Variants in PEX11G observed in about 807,000 individuals in gnomAD.
PEX11G encodes peroxisomal biogenesis factor 11 gamma.
Under a neutral mutation model 22.5 loss-of-function variants are expected in PEX11G, and 20 were observed. The observed-to-expected ratio is 0.89, with a 90% confidence interval of 0.62 to 1.29. The LOEUF (loss-of-function observed/expected upper bound fraction) is 1.29. PEX11G is among the 50% of genes most tolerant of loss of function. PEX11G has a pLI of 0.00. For synonymous variants in PEX11G, 141 were observed against 154.5 expected (o/e 0.91, Z 0.65); for missense variants, 347 against 331.3 (o/e 1.05, Z -0.37).
chr19:7,482,754 CT>C (rs1401620505), intron 2 of PEX11G, among the ~76,000 whole-genome samples: 1 of 152,250 alleles, frequency 6.6e-6, no homozygotes, highest in Non-Finnish European at 1.5e-5. Context: ...CGCACGCCCA[CT>C]GCTGACCACG....
intron 2 of PEX11G, among the ~76,000 whole-genome samples, chr19:7,482,902 T>G (rs887568987): frequency 2.0e-5 from 3 of 152,298 alleles, no homozygotes; most frequent in African/African-American, 7.2e-5. Context: ...CGAATTGCAA[T>G]GCACACGCGG....
chr19:7,478,279 G>A, intron 4 of PEX11G, 35 bp downstream of exon 4: 1 of 1,602,652 alleles, frequency 6.2e-7, no homozygotes, highest in Non-Finnish European at 8.5e-7. Flanking sequence ...GCTGGAGGGA[G>A]TGGGCCTCCC....
At chr19:7,484,475 A>G (rs532931436) in intron 2 of PEX11G, among the ~76,000 whole-genome samples, 1 of 152,182 alleles carries the variant, frequency 6.6e-6, no homozygotes, top group African/African-American at 2.4e-5. Context: ...AAGGAGACAC[A>G]AGAAGCTGAC....
At chr19:7,486,987 T>C (rs1394595216) in intron 1 of PEX11G, among the ~76,000 whole-genome samples, 4 of 150,278 alleles carry the variant, frequency 2.7e-5, no homozygotes, top group Non-Finnish European at 5.9e-5. Context: ...TTCCAGACTG[T>C]AGTGAGCTGT....
Position 7,477,022 on chromosome 19 carries a change from C to T in PEX11G, c.*180G>A, listed in dbSNP as rs960588851. ...CCTGCACGGCCCCTGAAAACTGTCACGGCTCAGGAGCTCCAGGCTGAGGCC... is the reference window on the plus strand; with the variant it reads ...CCTGCACGGCCCCTGAAAACTGTCATGGCTCAGGAGCTCCAGGCTGAGGCC... On this transcript the variant is annotated 3_prime_UTR_variant, in exon 5 of 5. Transcript: ENST00000221480. 41 of 481,618 alleles carry T rather than the reference C, an allele frequency of 8.5e-5. No individual in the cohort carries two copies. The highest frequency in any genetic ancestry group is 5.2e-4 in the African/African-American group (26 of 49,888). 29.8% of individuals were successfully genotyped at this position (481,618 alleles called of 1,614,324 possible).
intron 2 of PEX11G, among the ~76,000 whole-genome samples, chr19:7,485,576 C>G (rs915241063): frequency 6.6e-6 from 1 of 152,030 alleles, no homozygotes; most frequent in African/African-American, 2.4e-5. Context: ...AGGACGGTCT[C>G]CATCTCCTGA....
chr19:7,491,431 G>A (rs148836002), upstream of PEX11G, among the ~76,000 whole-genome samples: 10 of 151,580 alleles, frequency 6.6e-5, no homozygotes, highest in African/African-American at 1.7e-4. Flanking sequence ...CACCACACCC[G>A]GCTAATTTTT....
chr19:7,489,780 TC>T (rs976658668), upstream of PEX11G, among the ~76,000 whole-genome samples: 1 of 151,644 alleles, frequency 6.6e-6, no homozygotes, highest in Non-Finnish European at 1.5e-5. Context: ...AAAGGTGCCC[TC>T]CTCCCCTCTC....
upstream of PEX11G, chr19:7,489,345 A>T: frequency 9.0e-7 from 1 of 1,115,384 alleles, no homozygotes; most frequent in Admixed American, 5.2e-5. Flanking sequence ...CAAAACCACC[A>T]ACCTGTTCGC....
At chr19:7,490,640 C>CCAT (rs2021866376), upstream of PEX11G, among the ~76,000 whole-genome samples, 1 of 101,788 alleles carries the variant, frequency 9.8e-6, no homozygotes, top group Non-Finnish European at 2.0e-5. Flanking sequence ...CGCCTGGCCT[C>CCAT]TATTTTTTTT....
intron 3 of PEX11G, among the ~76,000 whole-genome samples, chr19:7,478,880 C>T (rs1977361746): frequency 6.6e-6 from 1 of 152,188 alleles, no homozygotes. Flanking sequence ...ATCCCCTGGG[C>T]CCCCAGGGCT....
upstream of PEX11G, among the ~76,000 whole-genome samples, chr19:7,492,426 G>A (rs573177516): frequency 2.6e-5 from 4 of 152,150 alleles, no homozygotes; most frequent in Non-Finnish European, 4.4e-5. Flanking sequence ...TGATGTCAAC[G>A]AGTCTGTTTG....
chr19:7,485,173 T>G (rs1194231681), intron 2 of PEX11G, among the ~76,000 whole-genome samples: 1 of 151,998 alleles, frequency 6.6e-6, no homozygotes, highest in Non-Finnish European at 1.5e-5. Context: ...AAATTTTTTT[T>G]GTTTGTTTTA....
upstream of PEX11G, among the ~76,000 whole-genome samples, chr19:7,493,871 C>T (rs1309133230): frequency 2.0e-5 from 3 of 146,764 alleles, no homozygotes; most frequent in East Asian, 6.0e-4. Context: ...GTCCACGGGT[C>T]TTTGTGCACT....
chr19:7,485,052 G>A (rs563135512), intron 2 of PEX11G, among the ~76,000 whole-genome samples: 1 of 152,290 alleles, frequency 6.6e-6, no homozygotes, highest in East Asian at 1.9e-4. Flanking sequence ...AGCACTCAGG[G>A]AGGCTAAGGC....
rs1568380259 is a variant in PEX11G at position 7,482,114 on chromosome 19, C to CG, written c.346dup (p.Arg116ProfsTer174). 4.4e-6 allele frequency: 7 copies of CG among 1,600,820 alleles called. No homozygotes were observed. Among genetic ancestry groups the CG allele is most frequent in the Non-Finnish European group, 5.1e-6 (6 of 1,174,374 alleles). On this transcript the variant is annotated frameshift_variant, in exon 3 of 5. Transcript: ENST00000221480. LOFTEE classifies it high-confidence loss of function. The stretch of plus-strand genomic sequence containing the variant: ...CCGAGAAGAGTCCACGTGGAGGACC[C>CG]GGGCATCAGCCGCCCAGGCCACGTG...
chr19:7,486,136 C>CTTTT, intron 1 of PEX11G, 110 bp from the exon 2 acceptor site: 1 of 858,760 alleles, frequency 1.2e-6, no homozygotes, highest in Non-Finnish European at 1.7e-6. Context: ...GGAAGATTCT[C>CTTTT]TTTTTTTTTT....
chr19:7,486,153 G>GTC (rs2021647009), intron 1 of PEX11G, 127 bp from the exon 2 acceptor site: 2 of 801,112 alleles, frequency 2.5e-6, no homozygotes, highest in South Asian at 4.2e-5. Context: ...TTTTGAAAGA[G>GTC]TCTCACTCTG....
At chr19:7,493,496 CT>C (rs140054447), upstream of PEX11G, among the ~76,000 whole-genome samples, 7,348 of 146,286 alleles carry the variant, frequency 0.05, 268 homozygotes, top group East Asian at 0.17. Context: ...TGCCCAGCCT[CT>C]TTTTTTTTTC....
Sources: gnomAD v4.1 joint callset for allele counts (sites outside exome capture counted in the v4.1 genomes callset) on GRCh38, gnomAD v4.1.1 for gene constraint, MANE v1.5 for transcripts, NCBI Gene and HGNC (gene_info 2026-07-23, HGNC 2026-07-21) for gene names.